CATSPERE: variants seen among roughly 807,000 people sequenced by gnomAD.
The protein encoded by CATSPERE is catsper channel auxiliary subunit epsilon, also known as cation channel sperm-associated auxiliary subunit epsilon.
A neutral mutation model predicts 114.1 loss-of-function variants in CATSPERE; 93 were observed. The observed-to-expected ratio is 0.81, with a 90% confidence interval of 0.69 to 0.97. CATSPERE has a LOEUF of 0.97. CATSPERE is among the 50% of genes least tolerant of loss of function. CATSPERE has a pLI of 0.00. For synonymous variants in CATSPERE, 341 were observed against 384.1 expected (o/e 0.89, Z 1.31); for missense variants, 1,058 against 1,131.6 (o/e 0.93, Z 0.93).
Position 244,593,655 on chromosome 1 carries a change from C to G in CATSPERE, c.2303+77C>G. The G allele has an allele frequency of 2.6e-6, 3 of 1,165,472 alleles. No homozygotes were observed. The South Asian group carries it at 4.0e-5, about 15-fold the overall frequency. 72.2% of individuals were successfully genotyped at this position (1,165,472 alleles called of 1,614,324 possible). On this transcript the variant is annotated intron_variant, in intron 17 of 21. Transcript: ENST00000366534. ...AAGCACGAAAACAAGACTAATTGAT[C>G]ATGCATCTAACAACACGTATTTTAG...
rs151002906 is a variant in CATSPERE, at chr1:244,471,747, G to A, written c.115-5794G>A. Among the ~76,000 whole-genome samples the A allele has an allele frequency of 1.5e-3, 223 of 152,164 alleles. 1 individual carries two copies. The highest frequency in any genetic ancestry group is 4.9e-3 in the African/African-American group (204 of 41,506). On this transcript the variant is annotated intron_variant, in intron 2 of 21. Transcript: ENST00000366534. ...CCTTTTTATTGCTGAGTATTCATTT[G>A]CATTCTTATGCCACCATTTGTCCAT... is the stretch of plus-strand genomic sequence containing the variant.
chr1:244,567,988 T>G (rs967646010), intron 10 of CATSPERE, among the ~76,000 whole-genome samples: 5 of 152,200 alleles, frequency 3.3e-5, no homozygotes, highest in African/African-American at 1.2e-4. Flanking sequence ...TATCTACCTT[T>G]GGTCTTTGAT....
At chr1:244,590,248 G>A (rs1020707663) in intron 14 of CATSPERE, among the ~76,000 whole-genome samples, 1 of 152,090 alleles carries the variant, frequency 6.6e-6, no homozygotes, top group Non-Finnish European at 1.5e-5. Flanking sequence ...ACCCTAACTA[G>A]AAATTATGTT....
chr1:244,572,111 T>C (rs1664554894), intron 10 of CATSPERE, among the ~76,000 whole-genome samples: 1 of 152,174 alleles, frequency 6.6e-6, no homozygotes, highest in African/African-American at 2.4e-5. Context: ...GTTATATAAG[T>C]GATATAGTAT....
At chr1:244,462,706 T>A (rs182925020) in intron 1 of CATSPERE, among the ~76,000 whole-genome samples, 235 of 152,356 alleles carry the variant, frequency 1.5e-3, no homozygotes, top group Non-Finnish European at 2.8e-3. Context: ...GACTTTTTTT[T>A]AATTCGATCT....
chr1:244,512,623 C>T (rs1009630270), intron 7 of CATSPERE, among the ~76,000 whole-genome samples: 14 of 151,950 alleles, frequency 9.2e-5, no homozygotes, highest in Admixed American at 2.0e-4. Flanking sequence ...TTTGGAAGAG[C>T]CATGTTTCCT....
At chr1:244,572,057 G>C (rs1436796186) in intron 10 of CATSPERE, among the ~76,000 whole-genome samples, 1 of 152,120 alleles carries the variant, frequency 6.6e-6, no homozygotes, top group Non-Finnish European at 1.5e-5. Context: ...GCTCATCCTT[G>C]TTATTACTGA....
rs571322248 is a variant in CATSPERE, at chr1:244,557,585, A to G, written c.1030-3083A>G. Among the ~76,000 whole-genome samples the G allele has an allele frequency of 6.3e-4, 67 of 107,078 alleles. 1 individual carries two copies. The highest frequency in any genetic ancestry group is 2.4e-3 in the African/African-American group (63 of 26,664). The allele number at this position is 107,078 out of a possible 152,430, so 70.2% of individuals were successfully genotyped here. On this transcript the variant is annotated intron_variant, in intron 9 of 21. Transcript: ENST00000366534. ...TATATATATATATATATATATATAA[A>G]ATCTCCCAGGTTCTTGGAAAATTTC... is the stretch of plus-strand genomic sequence containing the variant.
At position 244,479,777 on chromosome 1, in the gene CATSPERE, A is replaced by G. The variant is rs1219387338; in HGVS notation, c.319A>G (p.Arg107Gly). The G allele has an allele frequency of 1.3e-6, 2 of 1,577,702 alleles. No homozygotes were observed. The highest frequency in any genetic ancestry group is 1.7e-6 in the Non-Finnish European group (2 of 1,152,838). The change falls in exon 5 of 22, where the codon AGA becomes GGA. Residue 107 changes from arginine to glycine, a missense_variant. By Grantham distance (125) the Arg-to-Gly change is moderately radical. Coordinates refer to ENST00000366534, the MANE Select transcript of CATSPERE (RefSeq NM_001130957.2). Reference sequence around the variant, plus strand: ...TCATACTTGCTTTCTGTGGTACTATAGAGTTAGGTAAGTAATGCAGTACTG... The same window carrying G: ...TCATACTTGCTTTCTGTGGTACTATGGAGTTAGGTAAGTAATGCAGTACTG... ...SSHTCFLWYY[R>G]VRHFFNNFTQ... is the part of the protein sequence containing the mutation.
intron 7 of CATSPERE, among the ~76,000 whole-genome samples, chr1:244,502,638 C>T (rs1422561680): frequency 2.6e-5 from 4 of 152,142 alleles, no homozygotes; most frequent in Non-Finnish European, 5.9e-5. Context: ...CTGTTCACTC[C>T]TTCGAAAGTG....
chr1:244,492,548 C>T (rs1335618991), intron 6 of CATSPERE, among the ~76,000 whole-genome samples: 1 of 148,150 alleles, frequency 6.7e-6, no homozygotes, highest in Non-Finnish European at 1.5e-5. Context: ...ACAGGGATGC[C>T]CTCTCTCACC....
chr1:244,531,976 G>C (rs1236353638), intron 8 of CATSPERE, among the ~76,000 whole-genome samples: 1 of 152,120 alleles, frequency 6.6e-6, no homozygotes, highest in Non-Finnish European at 1.5e-5. Flanking sequence ...TTTGCTGGGA[G>C]ACTTTTTACT....
At chr1:244,610,212 C>T (rs4658645) in intron 18 of CATSPERE, 28 bp from the exon 19 acceptor site, 236,014 of 1,457,756 alleles carry the variant, frequency 0.16, 19,735 homozygotes, top group South Asian at 0.19. Flanking sequence ...CTTCTACCTA[C>T]CCACATACAT....
chr1:244,487,399 C>T (rs926839120), intron 5 of CATSPERE, among the ~76,000 whole-genome samples: 13 of 152,106 alleles, frequency 8.5e-5, no homozygotes, highest in African/African-American at 2.7e-4. Context: ...GTAGTCAAGC[C>T]GTGTAGCTTC....
At chr1:244,617,907 T>A (rs1003476059) in intron 20 of CATSPERE, among the ~76,000 whole-genome samples, 2 of 152,198 alleles carry the variant, frequency 1.3e-5, no homozygotes, top group Admixed American at 6.5e-5. Flanking sequence ...AGGACTTTCC[T>A]GGGTTCAGTT....
intron 15 of CATSPERE, 148 bp from the exon 16 acceptor site, chr1:244,593,247 G>A (rs1667959207): frequency 1.4e-6 from 1 of 707,548 alleles, no homozygotes; most frequent in Non-Finnish European, 2.4e-6. Context: ...TAATATGTGT[G>A]GATATACATG....
intron 12 of CATSPERE, among the ~76,000 whole-genome samples, chr1:244,582,953 ATATATATATATATATATATATAT>A (rs1666438991): frequency 0.063 from 183 of 2,898 alleles, 4 homozygotes; most frequent in African/African-American, 0.13. Context: ...ATATATATAT[ATATATATATATATATATATATAT>A]AAATCAGTGA....
At position 244,528,912 on chromosome 1, in the gene CATSPERE, A is replaced by G. The variant is rs3003257; in HGVS notation, c.536+10214A>G. Among the ~76,000 whole-genome samples, 1,096 of 152,102 alleles carry G rather than the reference A, an allele frequency of 7.2e-3. 13 individuals are homozygous for G. Among genetic ancestry groups the G allele is most frequent in the African/African-American group, 0.025 (1,021 of 41,450 alleles). ...TTTTAATTTTTAGCTCCCACAAATA[A>G]GTGAGAATATGGTGAAGTTTGTCTT... On this transcript the variant is annotated intron_variant, in intron 8 of 21. Transcript: ENST00000366534.
intron 10 of CATSPERE, among the ~76,000 whole-genome samples, chr1:244,571,521 TAAGTG>T (rs1444999185): frequency 3.3e-5 from 5 of 152,166 alleles, no homozygotes; most frequent in African/African-American, 1.2e-4. Flanking sequence ...GGCAGAATAT[TAAGTG>T]GAGAAAGCTG....
Sources: allele counts gnomAD v4.1 joint callset (sites outside exome capture counted in the v4.1 genomes callset), GRCh38; gene constraint gnomAD v4.1.1; transcripts MANE v1.5; gene names NCBI Gene and HGNC (gene_info 2026-07-23, HGNC 2026-07-21).